MTUS1: variants seen among roughly 807,000 people sequenced by gnomAD.
MTUS1 encodes the protein microtubule associated scaffold protein 1.
Under a neutral mutation model 120.8 loss-of-function variants are expected in MTUS1, and 109 were observed. The ratio of observed to expected loss-of-function variants is 0.90; its 90% CI spans 0.77 to 1.06. The LOEUF is 1.06. Among genes scored for constraint, MTUS1 ranks in the 50% least tolerant of loss-of-function variants. MTUS1 has a pLI of 0.00. For synonymous variants in MTUS1, 737 were observed against 550.5 expected (o/e 1.34, Z -4.74); for missense variants, 2,210 against 1,486.3 (o/e 1.49, Z -8.01).
At chr8:17,725,021 G>T (rs2046122348) in intron 3 of MTUS1, among the ~76,000 whole-genome samples, 1 of 152,002 alleles carries the variant, frequency 6.6e-6, no homozygotes, top group South Asian at 2.1e-4. Context: ...CTCCCAAACT[G>T]CTGGAATTAC....
At chr8:17,776,157 A>C (rs953692402) in intron 1 of MTUS1, among the ~76,000 whole-genome samples, 2 of 152,180 alleles carry the variant, frequency 1.3e-5, no homozygotes, top group Admixed American at 1.3e-4. Flanking sequence ...AAAAAACAAC[A>C]ATACAAAATA....
chr8:17,707,319 C>G (rs1052205919), intron 6 of MTUS1, among the ~76,000 whole-genome samples: 44 of 152,180 alleles, frequency 2.9e-4, no homozygotes, highest in African/African-American at 9.9e-4. Flanking sequence ...TCAAAGTCGT[C>G]TTTCCAAAGC....
intron 3 of MTUS1, among the ~76,000 whole-genome samples, chr8:17,742,311 T>TTTTTTTTTTTTTTTTTTTTTA: frequency 7.2e-6 from 1 of 139,632 alleles, no homozygotes; most frequent in Non-Finnish European, 1.6e-5. Flanking sequence ...TTTTTTTTTT[T>TTTTTTTTTTTTTTTTTTTTTA]AGAGATAGTG....
At chr8:17,748,720 T>A (rs532023141) in intron 2 of MTUS1, among the ~76,000 whole-genome samples, 2 of 150,268 alleles carry the variant, frequency 1.3e-5, no homozygotes, top group East Asian at 3.9e-4. Context: ...CCGCAAGAGG[T>A]TGAGCATGGC....
At chr8:17,745,827 T>C (rs546028788) in intron 2 of MTUS1, among the ~76,000 whole-genome samples, 1 of 152,214 alleles carries the variant, frequency 6.6e-6, no homozygotes, top group Non-Finnish European at 1.5e-5. Flanking sequence ...GTGATATAAT[T>C]TGGATCTGTG....
rs143454969 is a variant in MTUS1, at chr8:17,789,423, G to T, written c.-155+11638C>A. 5.6e-3 allele frequency among the ~76,000 whole-genome samples: 848 copies of T among 152,170 alleles called. 14 individuals are homozygous for T. The highest frequency in any genetic ancestry group is 0.019 in the African/African-American group (789 of 41,512). ...GAGGGACGTGGGGGTAGATCGCGTG[G>T]GCAGGGCAGAGTTTACAGCTGAAAT... On this transcript the variant is annotated intron_variant, in intron 1 of 14. Coordinates refer to ENST00000693296, the MANE Select transcript of MTUS1 (RefSeq NM_001363059.2).
Position 17,720,210 on chromosome 8 carries a change from T to C in MTUS1, c.2449+3462A>G, listed in dbSNP as rs3902081. ...AAATACAAAAATTAGCCGGGCATGA[T>C]GGGGCATGCCTATAATCCCAGCTAC... On this transcript the variant is annotated intron_variant, in intron 4 of 14. Coordinates refer to ENST00000693296, the MANE Select transcript of MTUS1 (RefSeq NM_001363059.2). Among the ~76,000 whole-genome samples, 1,493 of 152,132 alleles carry C rather than the reference T, an allele frequency of 9.8e-3. 48 individuals carry two copies. Among genetic ancestry groups the C allele is most frequent in the Admixed American group, 0.062 (950 of 15,264 alleles).
rs777415674 is a variant in MTUS1, at chr8:17,754,040, C to T, written c.1768G>A (p.Val590Ile). Residue 590 changes from valine (V) to isoleucine (I), a missense_variant, in exon 2 of 15, where the codon GTT becomes ATT. Physicochemically the swap from Val to Ile is conservative, Grantham distance 29 (BLOSUM62 3). Transcript: ENST00000693296. ...NKLITSQAVH[V>I]TTHSKNASHR... ...GAAGCATTTTTAGAATGAGTTGTAACATGCACAGCCTGGCTAGTAATGAGT... is the reference window on the plus strand; with the variant it reads ...GAAGCATTTTTAGAATGAGTTGTAATATGCACAGCCTGGCTAGTAATGAGT... 3 of 1,614,044 alleles carry T rather than the reference C, an allele frequency of 1.9e-6. No individual in the cohort carries two copies. The highest frequency in any genetic ancestry group is 2.7e-5 in the African/African-American group (2 of 74,906).
intron 2 of MTUS1, among the ~76,000 whole-genome samples, chr8:17,747,140 G>T (rs1011371494): frequency 6.6e-6 from 1 of 152,096 alleles, no homozygotes; most frequent in African/African-American, 2.4e-5. Context: ...TCTTCACAAG[G>T]CCCAGCAATC....
chr8:17,753,069 CACTAT>C (rs1333036518), intron 2 of MTUS1, among the ~76,000 whole-genome samples: 2 of 152,138 alleles, frequency 1.3e-5, no homozygotes, highest in Non-Finnish European at 2.9e-5. Context: ...ACTGGTTTTT[CACTAT>C]ACATAAGTAA....
chr8:17,759,136 C>T (rs1349748885), intron 1 of MTUS1, among the ~76,000 whole-genome samples: 1 of 152,192 alleles, frequency 6.6e-6, no homozygotes, highest in East Asian at 1.9e-4. Flanking sequence ...CCGCCTCGGC[C>T]TCCCAAAGTG....
Position 17,721,998 on chromosome 8 carries a change from A to G in MTUS1, c.2449+1674T>C. 2.1e-5 allele frequency: 28 copies of G among 1,365,696 alleles called. No individual in the cohort carries two copies. The South Asian group carries it at 4.9e-4, about 24-fold the overall frequency. 84.6% of individuals were successfully genotyped at this position (1,365,696 alleles called of 1,614,324 possible). ...TCTTAGTGAATTCGAATGGAGGGAAAAAAAAAAAAATGCGTAAGCTCCAAG... is the reference window on the plus strand; with the variant it reads ...TCTTAGTGAATTCGAATGGAGGGAAGAAAAAAAAAATGCGTAAGCTCCAAG... On this transcript the variant is annotated intron_variant, in intron 4 of 14. Transcript: ENST00000693296.
intron 2 of MTUS1, among the ~76,000 whole-genome samples, chr8:17,751,687 G>A (rs942052554): frequency 4.0e-5 from 6 of 151,798 alleles, no homozygotes; most frequent in Admixed American, 6.6e-5. Flanking sequence ...GTGAAACCTC[G>A]TCTCTACTAA....
At chr8:17,718,584 G>A (rs1320751432) in intron 4 of MTUS1, among the ~76,000 whole-genome samples, 1 of 152,032 alleles carries the variant, frequency 6.6e-6, no homozygotes, top group Non-Finnish European at 1.5e-5. Context: ...GTGTTCTAGA[G>A]AGCCATGGAC....
intron 7 of MTUS1, among the ~76,000 whole-genome samples, chr8:17,675,712 C>A (rs1453486779): frequency 6.6e-6 from 1 of 152,158 alleles, no homozygotes; most frequent in Non-Finnish European, 1.5e-5. Context: ...CAATGCCAAT[C>A]CTTCTAAAAG....
chr8:17,714,314 T>TAA (rs1821894109), intron 5 of MTUS1, among the ~76,000 whole-genome samples: 1 of 152,134 alleles, frequency 6.6e-6, no homozygotes, highest in African/African-American at 2.4e-5. Context: ...ATATTATCCT[T>TAA]TAAACACACA....
chr8:17,683,102 C>T (rs1814945160), intron 7 of MTUS1, among the ~76,000 whole-genome samples: 1 of 152,146 alleles, frequency 6.6e-6, no homozygotes, highest in Non-Finnish European at 1.5e-5. Flanking sequence ...GAAACCCCGT[C>T]TCTACTAAAA....
chr8:17,783,740 C>T (rs145183873), intron 1 of MTUS1, among the ~76,000 whole-genome samples: 2 of 152,224 alleles, frequency 1.3e-5, no homozygotes, highest in African/African-American at 4.8e-5. Flanking sequence ...GAAGCTCAAG[C>T]AAGACAGACA....
At chr8:17,779,343 G>C (rs552991419) in intron 1 of MTUS1, among the ~76,000 whole-genome samples, 21 of 152,266 alleles carry the variant, frequency 1.4e-4, no homozygotes, top group African/African-American at 4.8e-4. Context: ...ATGTGTTTTG[G>C]ATTTCAGGGA....
Sources: allele counts gnomAD v4.1 joint callset (sites outside exome capture counted in the v4.1 genomes callset), GRCh38; gene constraint gnomAD v4.1.1; transcripts MANE v1.5; gene names NCBI Gene and HGNC (gene_info 2026-07-23, HGNC 2026-07-21).